Variants in TASP1 observed in about 807,000 individuals in gnomAD.
TASP1 encodes threonine aspartase 1.
A neutral mutation model predicts 56.6 loss-of-function variants in TASP1; 16 were observed. That is an observed-to-expected ratio of 0.28 (90% confidence interval 0.19 to 0.43). The LOEUF (loss-of-function observed/expected upper bound fraction) is 0.43, where lower values mean the gene tolerates loss of function less well. TASP1 is among the 20% of genes least tolerant of loss of function. The pLI is 1.00. For missense variants in TASP1, 393 were observed against 511.6 expected, an observed-to-expected ratio of 0.77 and a Z score of 2.24; for synonymous variants, 179 against 184.2, an observed-to-expected ratio of 0.97 and a Z score of 0.23.
the TASP1 span, among the ~76,000 whole-genome samples, chr20:13,268,112 C>CTCTCTTCTCTTCTCT: frequency 1.2e-5 from 1 of 86,550 alleles, no homozygotes; most frequent in African/African-American, 5.5e-5. Context: ...CTCTCCTCTC[C>CTCTCTTCTCTTCTCT]TGTCTTCTCT....
the TASP1 span, among the ~76,000 whole-genome samples, chr20:13,269,737 T>C: frequency 0.05 from 7,615 of 152,262 alleles, 250 homozygotes; most frequent in Admixed American, 0.094. Flanking sequence ...CTCTCCATCA[T>C]CTTCTTTCTT....
At position 13,629,951 on chromosome 20, in the gene TASP1, A is replaced by G; in HGVS notation, c.128T>C (p.Phe43Ser). Reference sequence around the variant, plus strand: ...AAGCTTACCTGCATGCACCAACACAAAGCCTCCTCGTTTCTCTTTATAGGA... The same window carrying G: ...AAGCTTACCTGCATGCACCAACACAGAGCCTCCTCGTTTCTCTTTATAGGA... ...KQSYKEKRGG[F>S]VLVHAGAGYH... The change falls in exon 2 of 14, where the codon TTT (phenylalanine) becomes TCT (serine). Residue 43 changes from phenylalanine (F) to serine (S), a missense_variant. Physicochemically the swap from Phe to Ser is radical, Grantham distance 155. Transcript: ENST00000337743. The G allele has an allele frequency of 1.2e-6, 2 of 1,613,516 alleles. No individual in the cohort carries two copies. Among genetic ancestry groups the G allele is most frequent in the Non-Finnish European group, 1.7e-6 (2 of 1,179,808 alleles).
chr20:13,187,275 A>G, the TASP1 span, among the ~76,000 whole-genome samples: 2 of 152,316 alleles, frequency 1.3e-5, no homozygotes, highest in East Asian at 3.9e-4. Context: ...ATGGAATACC[A>G]GAAGGAAAAG....
chr20:13,604,244 G>GT (rs1313499367), intron 4 of TASP1, among the ~76,000 whole-genome samples: 1 of 152,140 alleles, frequency 6.6e-6, no homozygotes, highest in East Asian at 1.9e-4. Flanking sequence ...GGTGGGCCTA[G>GT]TAGGAGGTAT....
the TASP1 span, among the ~76,000 whole-genome samples, chr20:13,361,246 G>A: frequency 6.6e-6 from 1 of 152,070 alleles, no homozygotes; most frequent in African/African-American, 2.4e-5. Flanking sequence ...CACTGGATAG[G>A]TACAGGCCTT....
At chr20:13,583,927 A>C (rs964547479) in intron 5 of TASP1, among the ~76,000 whole-genome samples, 3 of 152,076 alleles carry the variant, frequency 2.0e-5, no homozygotes, top group African/African-American at 7.2e-5. Context: ...AAAAATATAA[A>C]AATTAGCCAG....
chr20:13,256,810 T>C, the TASP1 span, among the ~76,000 whole-genome samples: 590 of 152,280 alleles, frequency 3.9e-3, 5 homozygotes, highest in Middle Eastern at 0.017. Flanking sequence ...GGGGTGATGA[T>C]AATTATATCC....
intron 4 of TASP1, among the ~76,000 whole-genome samples, chr20:13,606,971 C>A (rs967815339): frequency 6.6e-6 from 1 of 151,974 alleles, no homozygotes; most frequent in East Asian, 1.9e-4. Context: ...TGAGCTATAA[C>A]CCCTTAAGCA....
At chr20:13,234,082 T>C in the TASP1 span, among the ~76,000 whole-genome samples, 6 of 152,172 alleles carry the variant, frequency 3.9e-5, no homozygotes, top group African/African-American at 1.4e-4. Context: ...TAGTGAATAT[T>C]GTACCCAGTG....
At chr20:13,479,662 T>C (rs1369033060) in intron 11 of TASP1, among the ~76,000 whole-genome samples, 1 of 152,088 alleles carries the variant, frequency 6.6e-6, no homozygotes, top group African/African-American at 2.4e-5. Context: ...GCCCAGCTAA[T>C]ATTTGTATTT....
chr20:13,358,224 T>C, the TASP1 span, among the ~76,000 whole-genome samples: 2 of 152,190 alleles, frequency 1.3e-5, no homozygotes, highest in African/African-American at 4.8e-5. Flanking sequence ...TTATCTCCCT[T>C]CGCTGACTTT....
At chr20:13,594,506 A>T (rs1392953564) in intron 4 of TASP1, among the ~76,000 whole-genome samples, 1 of 152,240 alleles carries the variant, frequency 6.6e-6, no homozygotes, top group Non-Finnish European at 1.5e-5. Context: ...GCTAACTAGA[A>T]TAAACAGTGT....
At chr20:13,203,376 T>A in the TASP1 span, among the ~76,000 whole-genome samples, 2 of 152,240 alleles carry the variant, frequency 1.3e-5, no homozygotes, top group Non-Finnish European at 2.9e-5. Context: ...GTAAAATCTC[T>A]GCTTTCAGCA....
rs527467796 is a variant in TASP1, at chr20:13,504,784, A to G, written c.875-21447T>C. On this transcript the variant is annotated intron_variant, in intron 10 of 13. Transcript: ENST00000337743. Reference sequence around the variant, plus strand: ...AAAGTTAGCTGTTAGCTTAAAATAGATTTTCATAACTATACAATTTTTATG... The same window carrying G: ...AAAGTTAGCTGTTAGCTTAAAATAGGTTTTCATAACTATACAATTTTTATG... Among the ~76,000 whole-genome samples the G allele has an allele frequency of 1.2e-3, 189 of 152,304 alleles. 1 individual carries two copies. Among genetic ancestry groups the G allele is most frequent in the African/African-American group, 4.4e-3 (182 of 41,572 alleles).
chr20:13,556,596 C>T (rs2046165366), intron 8 of TASP1, among the ~76,000 whole-genome samples: 1 of 152,158 alleles, frequency 6.6e-6, no homozygotes, highest in African/African-American at 2.4e-5. Flanking sequence ...GGAGCTAGCC[C>T]ATACCAACTG....
the TASP1 span, among the ~76,000 whole-genome samples, chr20:13,175,542 CA>C: frequency 2.0e-5 from 3 of 151,998 alleles, no homozygotes; most frequent in African/African-American, 7.2e-5. Context: ...AAAATCCACC[CA>C]AAGGCATAGA....
At chr20:13,358,141 C>T in the TASP1 span, among the ~76,000 whole-genome samples, 2 of 152,228 alleles carry the variant, frequency 1.3e-5, no homozygotes, top group African/African-American at 2.4e-5. Context: ...CTCACTCCTG[C>T]CCGCCAGAGA....
chr20:13,528,665 C>T (rs2045089213), intron 9 of TASP1, among the ~76,000 whole-genome samples, 154 bp from the exon 10 acceptor site: 1 of 152,138 alleles, frequency 6.6e-6, no homozygotes, highest in African/African-American at 2.4e-5. Context: ...CATACGCACA[C>T]GATGCTTTTA....
chr20:13,280,402 C>G, the TASP1 span, among the ~76,000 whole-genome samples: 1,511 of 138,884 alleles, frequency 0.011, 9 homozygotes, highest in African/African-American at 0.018. Flanking sequence ...CCCCCCCCCC[C>G]CAATACATTT....
Sources: gnomAD v4.1 joint callset for allele counts (sites outside exome capture counted in the v4.1 genomes callset) on GRCh38, gnomAD v4.1.1 for gene constraint, MANE v1.5 for transcripts, NCBI Gene and HGNC (gene_info 2026-07-23, HGNC 2026-07-21) for gene names.